ANKS1B: variants seen among roughly 807,000 people sequenced by gnomAD.
ANKS1B encodes ankyrin repeat and sterile alpha motif domain-containing protein 1B.
In ANKS1B, 36 loss-of-function variants were observed where a neutral mutation model predicts 148.3. That is an observed-to-expected ratio of 0.24 (90% confidence interval 0.19 to 0.32). The LOEUF (loss-of-function observed/expected upper bound fraction) is 0.32. Ranked by LOEUF, ANKS1B falls within the 10% of genes least tolerant of loss-of-function variation. The probability of loss-of-function intolerance (pLI) is 1.00; values close to 1 mark genes in which losing one functional copy is unlikely to be tolerated. For synonymous variants in ANKS1B, 542 were observed against 560.8 expected, an observed-to-expected ratio of 0.97 and a Z score of 0.47; for missense variants, 1,157 against 1,542.6, an observed-to-expected ratio of 0.75 and a Z score of 4.19.
chr12:99,529,983 A>G (rs1287183282), intron 9 of ANKS1B, among the ~76,000 whole-genome samples: 7 of 152,232 alleles, frequency 4.6e-5, no homozygotes, highest in Non-Finnish European at 1.0e-4. Flanking sequence ...AATTATAGAT[A>G]AGAGTCCAGG....
At position 99,234,081 on chromosome 12, in the gene ANKS1B, G is replaced by A. The variant is rs561085168; in HGVS notation, c.2419+10261C>T. Reference sequence around the variant, plus strand: ...GAGGTCTTAAGCAACAAACATAAGTGTTCAAAAAACTACAGAGCTCTGTTA... The same window carrying A: ...GAGGTCTTAAGCAACAAACATAAGTATTCAAAAAACTACAGAGCTCTGTTA... On this transcript the variant is annotated intron_variant, in intron 14 of 26. Transcript: ENST00000683438. Among the ~76,000 whole-genome samples the A allele has an allele frequency of 3.9e-5, 6 of 152,154 alleles. No individual in the cohort carries two copies. The East Asian group carries it at 9.7e-4, about 24-fold the overall frequency.
rs183255191 is a variant in ANKS1B at position 99,385,512 on chromosome 12, C to T, written c.1756+14119G>A. Among the ~76,000 whole-genome samples the T allele has an allele frequency of 9.2e-5, 14 of 152,184 alleles. 2 individuals carry two copies. The East Asian group carries it at 2.7e-3, about 29-fold the overall frequency. ...TTTTAAAAGTACAAATAATTATTGCCTGAAAGGGAATATGCTAAATATGAG... is the reference window on the plus strand; with the variant it reads ...TTTTAAAAGTACAAATAATTATTGCTTGAAAGGGAATATGCTAAATATGAG... On this transcript the variant is annotated intron_variant, in intron 12 of 26. Transcript: ENST00000683438.
intron 17 of ANKS1B, among the ~76,000 whole-genome samples, chr12:98,919,057 T>C (rs1019215408): frequency 6.6e-5 from 10 of 152,232 alleles, no homozygotes; most frequent in African/African-American, 1.4e-4. Flanking sequence ...AATATATTGA[T>C]ATTTTCCTTT....
At chr12:98,850,443 AC>A (rs1303676092) in intron 17 of ANKS1B, among the ~76,000 whole-genome samples, 3 of 147,206 alleles carry the variant, frequency 2.0e-5, no homozygotes, top group Non-Finnish European at 4.5e-5. Context: ...GTTGATGGAG[AC>A]CAGAGAAGCA....
intron 17 of ANKS1B, among the ~76,000 whole-genome samples, chr12:99,041,738 T>G (rs1260832231): frequency 6.6e-6 from 1 of 152,170 alleles, no homozygotes; most frequent in Admixed American, 6.5e-5. Context: ...CATTGACTCA[T>G]GCCTGTAATC....
rs79913675 is a variant in ANKS1B, at chr12:99,184,666, A to G, written c.2420-30271T>C. On this transcript the variant is annotated intron_variant, in intron 14 of 26. Coordinates refer to ENST00000683438, the MANE Select transcript of ANKS1B (RefSeq NM_001352186.2). ...TTTGGAGTTCAAACTATATTTATCTAAGTTCGTCAAGAGTTAGTGCAAAGC... is the reference window on the plus strand; with the variant it reads ...TTTGGAGTTCAAACTATATTTATCTGAGTTCGTCAAGAGTTAGTGCAAAGC... Among the ~76,000 whole-genome samples, 1,183 of 152,320 alleles carry G rather than the reference A, an allele frequency of 7.8e-3. 15 individuals are homozygous for G. The highest frequency in any genetic ancestry group is 0.026 in the African/African-American group (1,098 of 41,562).
At chr12:99,270,564 C>A (rs1039472670) in intron 12 of ANKS1B, among the ~76,000 whole-genome samples, 7 of 152,204 alleles carry the variant, frequency 4.6e-5, no homozygotes, top group Non-Finnish European at 8.8e-5. Flanking sequence ...AACTCTGTGG[C>A]AAGTATTTGA....
At chr12:99,768,580 C>A (rs1567811186) in intron 8 of ANKS1B, among the ~76,000 whole-genome samples, 1 of 152,048 alleles carries the variant, frequency 6.6e-6, no homozygotes, top group South Asian at 2.1e-4. Context: ...GTAATCCCAG[C>A]ACTTTGGGAA....
At position 98,937,163 on chromosome 12, in the gene ANKS1B, T is replaced by G. The variant is rs548843700; in HGVS notation, c.2779-105027A>C. ...GATGGTTCATTCGGGTAGAGGAGGATGACATCAAGGAACACTTATAGGTGC... is the reference window on the plus strand; with the variant it reads ...GATGGTTCATTCGGGTAGAGGAGGAGGACATCAAGGAACACTTATAGGTGC... On this transcript the variant is annotated intron_variant, in intron 17 of 26. Coordinates refer to ENST00000683438, the MANE Select transcript of ANKS1B (RefSeq NM_001352186.2). Among the ~76,000 whole-genome samples, 36 of 152,320 alleles carry G rather than the reference T, an allele frequency of 2.4e-4. 1 individual carries two copies. Among genetic ancestry groups the G allele is most frequent in the African/African-American group, 7.9e-4 (33 of 41,580 alleles).
intron 9 of ANKS1B, among the ~76,000 whole-genome samples, chr12:99,559,089 G>A (rs777084094): frequency 4.6e-5 from 7 of 152,080 alleles, no homozygotes; most frequent in Admixed American, 2.0e-4. Flanking sequence ...GCTTCCTCCC[G>A]CTTCAGCCCA....
At chr12:99,101,131 C>T (rs572500824) in intron 15 of ANKS1B, among the ~76,000 whole-genome samples, 2 of 152,220 alleles carry the variant, frequency 1.3e-5, no homozygotes, top group Admixed American at 1.3e-4. Context: ...GAGGGAGAGA[C>T]CAGGTAGCCA....
At chr12:99,259,579 C>T (rs1423812760) in intron 12 of ANKS1B, among the ~76,000 whole-genome samples, 1 of 152,248 alleles carries the variant, frequency 6.6e-6, no homozygotes, top group Non-Finnish European at 1.5e-5. Flanking sequence ...GAGAGGCTAT[C>T]AGCCAATTTC....
chr12:99,955,682 G>A (rs2095311995), intron 1 of ANKS1B, among the ~76,000 whole-genome samples: 1 of 152,064 alleles, frequency 6.6e-6, no homozygotes, highest in Non-Finnish European at 1.5e-5. Flanking sequence ...ATAACTTGCA[G>A]GCTTGAGTTA....
At chr12:99,566,106 T>C (rs563284467) in intron 9 of ANKS1B, among the ~76,000 whole-genome samples, 2 of 152,342 alleles carry the variant, frequency 1.3e-5, no homozygotes, top group African/African-American at 2.4e-5. Flanking sequence ...CTCAATGCCA[T>C]ACTTTTGGCA....
At chr12:99,182,573 T>G (rs1423884730) in intron 14 of ANKS1B, among the ~76,000 whole-genome samples, 5 of 152,218 alleles carry the variant, frequency 3.3e-5, no homozygotes, top group Non-Finnish European at 7.3e-5. Context: ...TGTTGGACAC[T>G]TGGTTTTTTC....
chr12:99,632,767 A>ATATATATATATATT lies in ANKS1B; in HGVS notation c.1272+22299_1272+22300insAATATATATATATA, dbSNP rs1441486862. On this transcript the variant is annotated intron_variant, in intron 9 of 26. Transcript: ENST00000683438. Reference sequence around the variant, plus strand: ...TATATATATATATATATATATATATATTTTAATTATACTTTAAGTTCTAGG... The same window carrying ATATATATATATATT: ...TATATATATATATATATATATATATATATATATATATATTTTTTAATTATACTTTAAGTTCTAGG... Among the ~76,000 whole-genome samples, 575 of 71,174 alleles carry ATATATATATATATT rather than the reference A, an allele frequency of 8.1e-3. 35 individuals are homozygous for ATATATATATATATT. The highest frequency in any genetic ancestry group is 1.0e-2 in the Non-Finnish European group (345 of 34,632). The allele number at this position is 71,174 out of a possible 152,430, so 46.7% of individuals were successfully genotyped here.
intron 11 of ANKS1B, among the ~76,000 whole-genome samples, chr12:99,442,418 C>T (rs1398280548): frequency 6.6e-6 from 1 of 151,826 alleles, no homozygotes; most frequent in Non-Finnish European, 1.5e-5. Flanking sequence ...CCTGAACCTG[C>T]ATATTCCATA....
intron 10 of ANKS1B, among the ~76,000 whole-genome samples, chr12:99,455,208 C>T (rs1159765494): frequency 6.6e-6 from 1 of 152,118 alleles, no homozygotes; most frequent in Non-Finnish European, 1.5e-5. Context: ...CAAGACACAC[C>T]CTAGCACTAG....
intron 12 of ANKS1B, among the ~76,000 whole-genome samples, chr12:99,385,615 A>G (rs2093829024): frequency 6.6e-6 from 1 of 152,254 alleles, no homozygotes. Context: ...TCAGGGAACA[A>G]ACATGTTGTT....
Sources: allele counts gnomAD v4.1 joint callset (sites outside exome capture counted in the v4.1 genomes callset), GRCh38; gene constraint gnomAD v4.1.1; transcripts MANE v1.5; gene names NCBI Gene and HGNC (gene_info 2026-07-23, HGNC 2026-07-21).